Variants in NAV3 observed in about 807,000 individuals in gnomAD.
The protein encoded by NAV3 is neuron navigator 3, also known as pore membrane and/or filament interacting like protein 1.
In NAV3, 87 loss-of-function variants were observed where a neutral mutation model predicts 244.7. That is an observed-to-expected ratio of 0.36 (90% CI 0.30 to 0.42). NAV3 has a LOEUF of 0.42. Ranked by LOEUF, NAV3 falls within the 20% of genes least tolerant of loss-of-function variation. NAV3 has a pLI of 1.00. For synonymous variants in NAV3, 1,126 were observed against 1,042.2 expected, an observed-to-expected ratio of 1.08 and a Z score of -1.55; for missense variants, 2,663 against 2,893.3, an observed-to-expected ratio of 0.92 and a Z score of 1.83.
At chr12:77,659,132 T>C (rs1358478314) in intron 2 of NAV3, among the ~76,000 whole-genome samples, 1 of 151,360 alleles carries the variant, frequency 6.6e-6, no homozygotes, top group African/African-American at 2.4e-5. Context: ...ACTAAAGAGC[T>C]TCTGCACAGC....
chr12:77,813,009 C>T (rs1262872915), intron 2 of NAV3, among the ~76,000 whole-genome samples: 1 of 151,750 alleles, frequency 6.6e-6, no homozygotes, highest in African/African-American at 2.4e-5. Flanking sequence ...TTTTAGTAGA[C>T]ACGGGGTTTT....
At chr12:78,000,974 T>C (rs1873192894) in intron 7 of NAV3, among the ~76,000 whole-genome samples, 2 of 7,732 alleles carry the variant, frequency 2.6e-4, no homozygotes, top group South Asian at 0.032. Context: ...CGAGACTGGG[T>C]CTAAAAAAAA....
At chr12:77,941,794 T>C (rs138614970) in intron 3 of NAV3, among the ~76,000 whole-genome samples, 347 of 152,312 alleles carry the variant, frequency 2.3e-3, no homozygotes, top group African/African-American at 7.6e-3. Flanking sequence ...CTTAGTTTTA[T>C]AGGAAAACCT....
chr12:77,595,489 C>CTTGA (rs1870126366), intron 2 of NAV3, among the ~76,000 whole-genome samples: 1 of 151,968 alleles, frequency 6.6e-6, no homozygotes, highest in South Asian at 2.1e-4. Context: ...TATAAATAAT[C>CTTGA]GTATTGTATA....
In NAV3 at chr12:77,982,421, A is replaced by G. The variant is rs73150651; in HGVS notation, c.672-12382A>G. The stretch of plus-strand genomic sequence containing the variant: ...ACCCACAATCTTATAGAGTACCTAA[A>G]TATTTAAGCAGATGGCTTAATAGAC... On this transcript the variant is annotated intron_variant, in intron 5 of 39. Coordinates refer to ENST00000397909, the MANE Select transcript of NAV3 (RefSeq NM_001024383.2). Among the ~76,000 whole-genome samples the G allele has an allele frequency of 2.0e-5, 3 of 147,596 alleles. 1 individual carries two copies. The highest frequency in any genetic ancestry group is 7.3e-5 in the African/African-American group (3 of 41,194).
At chr12:77,678,448 A>G (rs1203879733) in intron 2 of NAV3, among the ~76,000 whole-genome samples, 3 of 152,190 alleles carry the variant, frequency 2.0e-5, no homozygotes, top group Non-Finnish European at 2.9e-5. Context: ...AATAGAATGT[A>G]TTAAGCATAA....
intron 18 of NAV3, among the ~76,000 whole-genome samples, chr12:78,133,096 C>A (rs1031447536): frequency 6.6e-6 from 1 of 152,000 alleles, no homozygotes; most frequent in African/African-American, 2.4e-5. Flanking sequence ...CTTACTCTGT[C>A]GACTCCCTTA....
chr12:77,907,547 G>C (rs1000863870), intron 1 of NAV3, among the ~76,000 whole-genome samples: 1 of 152,088 alleles, frequency 6.6e-6, no homozygotes, highest in African/African-American at 2.4e-5. Context: ...AAAAATGCAT[G>C]AACACTTTTA....
intron 9 of NAV3, among the ~76,000 whole-genome samples, chr12:78,032,018 A>G (rs1486096063): frequency 6.6e-6 from 1 of 152,096 alleles, no homozygotes; most frequent in Non-Finnish European, 1.5e-5. Context: ...AGGAAACAGA[A>G]CCTAAATCAG....
At chr12:77,885,765 CATTTGAA>C (rs1215984137) in intron 1 of NAV3, among the ~76,000 whole-genome samples, 5 of 152,064 alleles carry the variant, frequency 3.3e-5, no homozygotes, top group Non-Finnish European at 7.4e-5. Context: ...CAAAATAACC[CATTTGAA>C]ATTTGAATTA....
chr12:77,615,678 A>C (rs902684971), intron 2 of NAV3, among the ~76,000 whole-genome samples: 1 of 152,216 alleles, frequency 6.6e-6, no homozygotes, highest in Non-Finnish European at 1.5e-5. Flanking sequence ...TGTGATGAAC[A>C]TATGAATTCA....
intron 2 of NAV3, among the ~76,000 whole-genome samples, chr12:77,643,085 C>CA: frequency 6.6e-6 from 1 of 152,000 alleles, no homozygotes; most frequent in Non-Finnish European, 1.5e-5. Flanking sequence ...GTAATCTAGA[C>CA]AAAATCACTC....
At chr12:77,653,752 A>G (rs1872935586) in intron 2 of NAV3, among the ~76,000 whole-genome samples, 1 of 152,198 alleles carries the variant, frequency 6.6e-6, no homozygotes, top group African/African-American at 2.4e-5. Context: ...CTCTATCTTT[A>G]TATTTATACA....
intron 2 of NAV3, among the ~76,000 whole-genome samples, chr12:77,592,674 A>G (rs1869961337): frequency 6.6e-6 from 1 of 152,146 alleles, no homozygotes; most frequent in African/African-American, 2.4e-5. Context: ...GTGCTCCTGC[A>G]TGTGTTGTAC....
chr12:77,886,102 G>A (rs1240026324), intron 1 of NAV3, among the ~76,000 whole-genome samples: 1 of 152,006 alleles, frequency 6.6e-6, no homozygotes, highest in Admixed American at 6.6e-5. Flanking sequence ...CAGGCTTACT[G>A]TCTCCTAACC....
At chr12:77,768,837 A>T (rs1320785465) in intron 2 of NAV3, among the ~76,000 whole-genome samples, 1 of 151,926 alleles carries the variant, frequency 6.6e-6, no homozygotes, top group Non-Finnish European at 1.5e-5. Flanking sequence ...CCCTGGCAGC[A>T]CCTCCCCTAC....
Position 78,197,407 on chromosome 12 carries a change from C to T in NAV3, c.6446+6C>T. The stretch of plus-strand genomic sequence containing the variant: ...AATTGTAAATACAACAAATGGTATG[C>T]TTATCAAATATTCTGAATAATGAAA... On this transcript the variant is annotated splice_donor_region_variant and intron_variant, in intron 35 of 39. Transcript: ENST00000397909. 6.3e-7 allele frequency: 1 copy of T among 1,578,784 alleles called. No individual in the cohort carries two copies. The highest frequency in any genetic ancestry group is 8.6e-7 in the Non-Finnish European group (1 of 1,159,492).
intron 18 of NAV3, among the ~76,000 whole-genome samples, chr12:78,134,588 A>G (rs373515244): frequency 2.6e-5 from 4 of 152,146 alleles, no homozygotes; most frequent in African/African-American, 7.2e-5. Flanking sequence ...ACTTGGGGTT[A>G]TTTAAGAACC....
intron 2 of NAV3, among the ~76,000 whole-genome samples, chr12:77,710,372 C>A (rs1876048696): frequency 6.7e-6 from 1 of 148,604 alleles, no homozygotes; most frequent in Non-Finnish European, 1.5e-5. Context: ...GTGTGGAGCT[C>A]TTCCAGATAA....
Sources: allele counts gnomAD v4.1 joint callset (sites outside exome capture counted in the v4.1 genomes callset), GRCh38; gene constraint gnomAD v4.1.1; transcripts MANE v1.5; gene names NCBI Gene and HGNC (gene_info 2026-07-23, HGNC 2026-07-21).